ARID4A: variants seen among roughly 807,000 people sequenced by gnomAD.
ARID4A encodes AT-rich interactive domain-containing protein 4A.
In ARID4A, 39 loss-of-function variants were observed where a neutral mutation model predicts 148.6. That is an observed-to-expected ratio of 0.26 (90% CI 0.20 to 0.34). The LOEUF is 0.34. Ranked by LOEUF, ARID4A falls within the 10% of genes least tolerant of loss-of-function variation. The pLI is 1.00. For missense variants in ARID4A, 1,265 were observed against 1,449.1 expected (o/e 0.87, Z 2.06); for synonymous variants, 475 against 481.2 (o/e 0.99, Z 0.17).
At chr14:58,350,981 A>G in intron 15 of ARID4A, 92 bp from the exon 16 acceptor site, 2 of 1,335,226 alleles carry the variant, frequency 1.5e-6, no homozygotes, top group Non-Finnish European at 2.0e-6. Context: ...AGCCAGAGAC[A>G]TTGCTATGAA....
chr14:58,341,299 A>C (rs757138376), intron 11 of ARID4A, among the ~76,000 whole-genome samples: 15 of 152,204 alleles, frequency 9.9e-5, no homozygotes, highest in Non-Finnish European at 2.1e-4. Context: ...CACAGTATCA[A>C]GTTTTGTTTC....
At chr14:58,315,645 G>T (rs1404586726) in intron 5 of ARID4A, among the ~76,000 whole-genome samples, 1 of 152,082 alleles carries the variant, frequency 6.6e-6, no homozygotes. Context: ...ATACTAACAA[G>T]AATTATATTG....
At chr14:58,305,610 A>G (rs1390128897) in intron 4 of ARID4A, among the ~76,000 whole-genome samples, 1 of 152,182 alleles carries the variant, frequency 6.6e-6, no homozygotes, top group Non-Finnish European at 1.5e-5. Context: ...TGAATCCAAT[A>G]TTCACTATTT....
intron 2 of ARID4A, 127 bp downstream of exon 2, chr14:58,299,987 T>A (rs1198645346): frequency 7.4e-7 from 1 of 1,349,146 alleles, no homozygotes; most frequent in African/African-American, 1.4e-5. Context: ...AGTTTCGGCA[T>A]AGGAGGATGT....
chr14:58,335,519 G>A lies in ARID4A; in HGVS notation c.906+5350G>A, dbSNP rs200979783. 2.6e-5 allele frequency among the ~76,000 whole-genome samples: 4 copies of A among 151,842 alleles called. No homozygotes were observed. In the East Asian group the frequency reaches 7.8e-4, roughly 29 times the overall value. ...GTAGAGACGGGGTTTCTCCATGTTG[G>A]TCAGGCTGGTCTCAAACTCCCAACC... is the stretch of plus-strand genomic sequence containing the variant. On this transcript the variant is annotated intron_variant, in intron 11 of 23. Coordinates refer to ENST00000355431, the MANE Select transcript of ARID4A (RefSeq NM_002892.4).
At chr14:58,368,690 C>G (rs76570179) in intron 23 of ARID4A, among the ~76,000 whole-genome samples, 1 of 151,324 alleles carries the variant, frequency 6.6e-6, no homozygotes, top group Non-Finnish European at 1.5e-5. Flanking sequence ...TTATTTTTTT[C>G]AGATTTTGGA....
chr14:58,319,111 G>A (rs1289690089), intron 7 of ARID4A, among the ~76,000 whole-genome samples: 2 of 152,232 alleles, frequency 1.3e-5, no homozygotes, highest in Admixed American at 1.3e-4. Flanking sequence ...CCAGGCTGGA[G>A]TGCAGTGGTG....
rs144907005 is a variant in ARID4A, at chr14:58,317,488, G to A, written c.275-1054G>A. On this transcript the variant is annotated intron_variant, in intron 5 of 23. Coordinates refer to ENST00000355431, the MANE Select transcript of ARID4A (RefSeq NM_002892.4). ...TTTTTAGTAGAGACGGGGTTTCACC[G>A]TGTTAGCCAGGATGGTCTCGATTTC... is the stretch of plus-strand genomic sequence containing the variant. Among the ~76,000 whole-genome samples, 1,483 of 150,580 alleles carry A rather than the reference G, an allele frequency of 9.8e-3. 25 individuals are homozygous for A. The highest frequency in any genetic ancestry group is 0.034 in the African/African-American group (1,384 of 41,110).
chr14:58,328,932 G>A lies in ARID4A; in HGVS notation c.663-596G>A, dbSNP rs190746591. ...TGCTTGAACCCGGGAGGCAGAGGCTGCAGTGAGCCGAGATCGCGCCACTGC... is the reference window on the plus strand; with the variant it reads ...TGCTTGAACCCGGGAGGCAGAGGCTACAGTGAGCCGAGATCGCGCCACTGC... On this transcript the variant is annotated intron_variant, in intron 9 of 23. Coordinates refer to ENST00000355431, the MANE Select transcript of ARID4A (RefSeq NM_002892.4). 3.5e-3 allele frequency among the ~76,000 whole-genome samples: 532 copies of A among 151,726 alleles called. 4 individuals carry two copies. The highest frequency in any genetic ancestry group is 0.012 in the African/African-American group (498 of 41,362).
chr14:58,327,595 A>G (rs1270368595), intron 8 of ARID4A, among the ~76,000 whole-genome samples: 1 of 152,128 alleles, frequency 6.6e-6, no homozygotes, highest in African/African-American at 2.4e-5. Flanking sequence ...ATCACAGATT[A>G]TACATTTTAT....
chr14:58,349,400 A>C (rs1292195360), intron 15 of ARID4A, among the ~76,000 whole-genome samples: 1 of 151,920 alleles, frequency 6.6e-6, no homozygotes, highest in African/African-American at 2.4e-5. Context: ...TAATCCCAGC[A>C]CTTTGGGAGG....
chr14:58,345,350 T>C (rs548675124), intron 12 of ARID4A, among the ~76,000 whole-genome samples: 1 of 152,342 alleles, frequency 6.6e-6, no homozygotes, highest in African/African-American at 2.4e-5. Context: ...ATTTCAGAAA[T>C]AGAAAGTGAC....
Position 58,373,245 on chromosome 14 carries a change from C to CTATG in ARID4A, c.*1261_*1264dup, listed in dbSNP as rs2035679798. The stretch of plus-strand genomic sequence containing the variant: ...GAGATGCAACAACTAAGTAAAGCAA[C>CTATG]TATGTATGCTTTGTCTGTGAATTGT... On this transcript the variant is annotated 3_prime_UTR_variant, in exon 24 of 24. Coordinates refer to ENST00000355431, the MANE Select transcript of ARID4A (RefSeq NM_002892.4). 1 of 197,452 alleles carries CTATG rather than the reference C, an allele frequency of 5.1e-6. No homozygotes were observed. The highest frequency in any genetic ancestry group is 6.1e-5 in the Admixed American group (1 of 16,500). 12.2% of individuals were successfully genotyped at this position (197,452 alleles called of 1,614,324 possible). A position where few individuals can be genotyped will look rare whatever the true frequency, so the allele number is the denominator to read the frequency against.
chr14:58,328,382 C>A, intron 9 of ARID4A, 66 bp downstream of exon 9: 1 of 1,002,464 alleles, frequency 1.0e-6, no homozygotes, highest in Non-Finnish European at 1.5e-6. Context: ...CAATGATAGA[C>A]ACCTCCCCCA....
At chr14:58,349,630 C>T (rs1361715515) in intron 15 of ARID4A, among the ~76,000 whole-genome samples, 1 of 152,112 alleles carries the variant, frequency 6.6e-6, no homozygotes, top group African/African-American at 2.4e-5. Context: ...AGGAGAAGTG[C>T]TTGAACCCAG....
At chr14:58,343,259 T>C (rs938291159) in intron 11 of ARID4A, among the ~76,000 whole-genome samples, 2 of 152,236 alleles carry the variant, frequency 1.3e-5, no homozygotes, top group African/African-American at 2.4e-5. Flanking sequence ...TTAGAACTTA[T>C]ATTTAAATTT....
chr14:58,365,467 C>CTTTTTTTTTTTTTTTTT (rs71107938), intron 20 of ARID4A, 51 bp from the exon 21 acceptor site: 68 of 351,550 alleles, frequency 1.9e-4, no homozygotes, highest in South Asian at 5.4e-4. Context: ...TATACTTGCT[C>CTTTTTTTTTTTTTTTTT]TTTTTTTTTT....
intron 10 of ARID4A, 129 bp from the exon 11 acceptor site, chr14:58,329,874 G>C (rs981190270): frequency 1.4e-6 from 2 of 1,407,780 alleles, no homozygotes; most frequent in African/African-American, 2.9e-5. Context: ...ATATGTTAAA[G>C]CTTACTGTAT....
chr14:58,360,065 C>CAAA (rs11376633), intron 18 of ARID4A, among the ~76,000 whole-genome samples: 1 of 118,682 alleles, frequency 8.4e-6, no homozygotes, highest in Admixed American at 8.9e-5. Context: ...GACTCCGTCT[C>CAAA]AAAAAAAAAA....
Sources: gnomAD v4.1 joint callset for allele counts (sites outside exome capture counted in the v4.1 genomes callset) on GRCh38, gnomAD v4.1.1 for gene constraint, MANE v1.5 for transcripts, NCBI Gene and HGNC (gene_info 2026-07-23, HGNC 2026-07-21) for gene names.